BFSP1: variants seen among roughly 807,000 people sequenced by gnomAD.
BFSP1 encodes the protein beaded filament structural protein 1.
In BFSP1, 38 loss-of-function variants were observed where a neutral mutation model predicts 43.9. The observed-to-expected ratio is 0.87, with a 90% CI of 0.67 to 1.14. The LOEUF (loss-of-function observed/expected upper bound fraction) is 1.14, where lower values mean the gene tolerates loss of function less well. BFSP1 is among the 50% of genes most tolerant of loss of function. The pLI, the probability that BFSP1 is intolerant of heterozygous loss-of-function variation, is 0.00. For missense variants in BFSP1, 850 were observed against 875.1 expected (o/e 0.97, Z 0.36); for synonymous variants, 352 against 354.8 (o/e 0.99, Z 0.09).
At chr20:17,500,074 G>A (rs1337166824) in intron 5 of BFSP1, among the ~76,000 whole-genome samples, 1 of 152,204 alleles carries the variant, frequency 6.6e-6, no homozygotes, top group African/African-American at 2.4e-5. Context: ...TACCTTTATT[G>A]AAATACTGAG....
chr20:17,522,916 A>G (rs1016398113), intron 2 of BFSP1, among the ~76,000 whole-genome samples: 1 of 152,174 alleles, frequency 6.6e-6, no homozygotes, highest in Non-Finnish European at 1.5e-5. Context: ...GTCACAGGCT[A>G]CACTCCTCGC....
At chr20:17,557,279 T>C (rs1256305065) in intron 1 of BFSP1, among the ~76,000 whole-genome samples, 1 of 152,228 alleles carries the variant, frequency 6.6e-6, no homozygotes, top group Non-Finnish European at 1.5e-5. Flanking sequence ...GCAGTTTCTC[T>C]TTGGAGAAAT....
intron 1 of BFSP1, among the ~76,000 whole-genome samples, chr20:17,527,902 G>A (rs1398554998): frequency 6.6e-6 from 1 of 152,154 alleles, no homozygotes; most frequent in African/African-American, 2.4e-5. Flanking sequence ...CTCTGTTGTT[G>A]TATTTTGATA....
upstream of BFSP1, among the ~76,000 whole-genome samples, chr20:17,535,797 T>G (rs1003575128): frequency 6.6e-5 from 10 of 152,316 alleles, no homozygotes; most frequent in African/African-American, 2.4e-4. Context: ...TTAATAAATA[T>G]TACTTGCTTT....
chr20:17,511,977 T>G lies in BFSP1; in HGVS notation c.626A>C (p.Glu209Ala), dbSNP rs759475407. The change falls in exon 4 of 8, where the codon GAG becomes GCG. Residue 209 changes from glutamate (E) to alanine (A), a missense_variant and splice_region_variant. Coordinates refer to ENST00000377873, the MANE Select transcript of BFSP1 (RefSeq NM_001195.5). The part of the protein sequence containing the change: ...PASIVTSGMR[E>A]EKLLTEREVA... ...GCCTTTTCCTGCTTCAATTCTTACC[T>G]CCCTCATCCCACTCGTCACAATGGA... 8 of 1,600,554 alleles carry G rather than the reference T, an allele frequency of 5.0e-6. No homozygotes were observed. Among genetic ancestry groups the G allele is most frequent in the Non-Finnish European group, 6.8e-6 (8 of 1,168,082 alleles).
rs769658355 is a variant in BFSP1, at chr20:17,494,356, G to A, written c.1716C>T (p.Pro572=). The A allele has an allele frequency of 1.1e-5, 17 of 1,614,066 alleles. No homozygotes were observed. The highest frequency in any genetic ancestry group is 1.3e-5 in the Non-Finnish European group (15 of 1,180,018). ...CTGCACCGGGTGTGACCATGGCACA[G>A]GGTCTCCTGGACTCTTCGTCCCGCT... ...GEERDEESRR[P]CAMVTPGAEE... is the part of the protein sequence containing the mutation. Residue 572 remains proline (P), a synonymous_variant, in exon 8 of 8, where the codon CCC becomes CCT. Coordinates refer to ENST00000377873, the MANE Select transcript of BFSP1 (RefSeq NM_001195.5).
intron 5 of BFSP1, among the ~76,000 whole-genome samples, chr20:17,503,371 T>C (rs1296450572): frequency 6.6e-6 from 1 of 151,924 alleles, no homozygotes; most frequent in African/African-American, 2.4e-5. Context: ...TAATAAAGAG[T>C]AAAAGAAAAA....
upstream of BFSP1, among the ~76,000 whole-genome samples, chr20:17,533,202 A>T (rs2034576173): frequency 6.6e-6 from 1 of 152,130 alleles, no homozygotes; most frequent in Non-Finnish European, 1.5e-5. Context: ...TATAAAAATA[A>T]AAATAATAAA....
At chr20:17,532,415 A>T (rs985825632), upstream of BFSP1, among the ~76,000 whole-genome samples, 1 of 151,576 alleles carries the variant, frequency 6.6e-6, no homozygotes, top group Non-Finnish European at 1.5e-5. Context: ...AAAAAAAAAA[A>T]AAAAAAGAAA....
intron 1 of BFSP1, among the ~76,000 whole-genome samples, chr20:17,553,794 T>TATATAC (rs1259467847): frequency 2.9e-5 from 3 of 105,014 alleles, no homozygotes; most frequent in East Asian, 2.6e-4. Context: ...TATATATATA[T>TATATAC]ACACACACAC....
Position 17,544,176 on chromosome 20 carries a change from A to C in BFSP1, c.2+14512T>G, listed in dbSNP as rs964684354. 9.8e-5 allele frequency among the ~76,000 whole-genome samples: 15 copies of C among 152,322 alleles called. No individual in the cohort carries two copies. The East Asian group carries it at 2.9e-3, about 29-fold the overall frequency. On this transcript the variant is annotated intron_variant, in intron 1 of 7. Coordinates refer to the BFSP1 transcript ENST00000377868. ...TGATGGCAGGGTGACCACCATCACCATGGGGGCAACTGGATCTCAACATAT... is the reference window on the plus strand; with the variant it reads ...TGATGGCAGGGTGACCACCATCACCCTGGGGGCAACTGGATCTCAACATAT...
At chr20:17,515,410 T>C (rs1600652304) in intron 2 of BFSP1, among the ~76,000 whole-genome samples, 1 of 152,246 alleles carries the variant, frequency 6.6e-6, no homozygotes, top group African/African-American at 2.4e-5. Flanking sequence ...AGCAGTTTTC[T>C]CCCAAGGACT....
At chr20:17,532,534 T>TC, upstream of BFSP1, among the ~76,000 whole-genome samples, 1 of 152,154 alleles carries the variant, frequency 6.6e-6, no homozygotes, top group Non-Finnish European at 1.5e-5. Flanking sequence ...CAGGCAGGAC[T>TC]CAAACTCCTG....
In BFSP1 at chr20:17,531,307, A is replaced by G; in HGVS notation, c.23T>C (p.Phe8Ser). Reference sequence around the variant, plus strand: ...CTCGTACTGCTCCTTGCGGGTCTGGAAGACGTAGCTGCGCCGGTACATGGC... The same window carrying G: ...CTCGTACTGCTCCTTGCGGGTCTGGGAGACGTAGCTGCGCCGGTACATGGC... MYRRSYV[F>S]QTRKEQYEHA... The change falls in exon 1 of 8, where the codon TTC (phenylalanine) becomes TCC (serine). Residue 8 changes from phenylalanine to serine, a missense_variant. Phe to Ser is a radical substitution (Grantham distance 155, BLOSUM62 -2). Coordinates refer to ENST00000377873, the MANE Select transcript of BFSP1 (RefSeq NM_001195.5). The G allele has an allele frequency of 6.8e-7, 1 of 1,471,242 alleles. No homozygotes were observed. Among genetic ancestry groups the G allele is most frequent in the Non-Finnish European group, 8.9e-7 (1 of 1,118,322 alleles). The allele number at this position is 1,471,242 out of a possible 1,614,324, so 91.1% of individuals were successfully genotyped here.
chr20:17,525,620 C>T lies in BFSP1; in HGVS notation c.378-712G>A, dbSNP rs756274834. On this transcript the variant is annotated intron_variant, in intron 1 of 7. Transcript: ENST00000377873. This position sits in a 1 kb window ranked among gnomAD's most constrained non-coding sequence, Gnocchi z 4.2. The stretch of plus-strand genomic sequence containing the variant: ...TAAGTACCCCAGCTCCTTTTCTGCT[C>T]GGCTGGGACAACTGAGGCACGTCCC... Among the ~76,000 whole-genome samples the T allele has an allele frequency of 5.3e-5, 8 of 152,140 alleles. No homozygotes were observed. Among genetic ancestry groups the T allele is most frequent in the Non-Finnish European group, 8.8e-5 (6 of 68,020 alleles).
upstream of BFSP1, among the ~76,000 whole-genome samples, chr20:17,562,265 C>T (rs951142270): frequency 2.7e-5 from 3 of 109,738 alleles, no homozygotes; most frequent in African/African-American, 1.0e-4. Context: ...CGATGGCTCA[C>T]GCCTGTAATC....
chr20:17,494,430 G>C lies in BFSP1; in HGVS notation c.1642C>G (p.Pro548Ala). Residue 548 changes from proline to alanine, a missense_variant, in exon 8 of 8, where the codon CCA (proline) becomes GCA (alanine). Transcript: ENST00000377873. ...DQQPIDKEIE[P>A]DGAELEGPEE... ...GGGCCTTCCAGCTCTGCACCATCTG[G>C]CTCAATCTCCTTGTCTATAGGCTGC... The C allele has an allele frequency of 6.2e-7, 1 of 1,614,152 alleles. No homozygotes were observed. The highest frequency in any genetic ancestry group is 8.5e-7 in the Non-Finnish European group (1 of 1,180,032).
At chr20:17,546,266 A>G (rs2034799524) in intron 1 of BFSP1, among the ~76,000 whole-genome samples, 1 of 152,180 alleles carries the variant, frequency 6.6e-6, no homozygotes, top group Non-Finnish European at 1.5e-5. Flanking sequence ...TGAGACTGCA[A>G]GAAGAACTAC....
intron 1 of BFSP1, among the ~76,000 whole-genome samples, chr20:17,528,507 T>G (rs1196347191): frequency 6.6e-6 from 1 of 152,226 alleles, no homozygotes; most frequent in Non-Finnish European, 1.5e-5. Context: ...CCCCCTTTGC[T>G]TTGGAGAACA....
Sources: gnomAD v4.1 joint callset for allele counts (sites outside exome capture counted in the v4.1 genomes callset) on GRCh38, gnomAD v4.1.1 for gene constraint, Gnocchi (gnomAD v3.1) non-coding constraint, MANE v1.5 for transcripts, NCBI Gene and HGNC (gene_info 2026-07-23, HGNC 2026-07-21) for gene names.